The following NRG3 variants were observed in gnomAD, a reference collection of about 807,000 sequenced individuals.
The protein encoded by NRG3 is pro-neuregulin-3, membrane-bound isoform.
NRG3 carries 31 observed loss-of-function variants against 66.9 expected under a neutral mutation model. That is an observed-to-expected ratio of 0.46 (90% CI 0.35 to 0.63). The LOEUF (loss-of-function observed/expected upper bound fraction) is 0.63, where lower values mean the gene tolerates loss of function less well. Among genes scored for constraint, NRG3 ranks in the 20% least tolerant of loss-of-function variants. The pLI is 0.00. For missense variants in NRG3, 910 were observed against 878.9 expected (o/e 1.04, Z -0.45); for synonymous variants, 393 against 359.4 (o/e 1.09, Z -1.06).
At chr10:82,804,736 T>C (rs2061205375) in intron 3 of NRG3, among the ~76,000 whole-genome samples, 1 of 152,188 alleles carries the variant, frequency 6.6e-6, no homozygotes, top group Non-Finnish European at 1.5e-5. Context: ...CAGACACCAC[T>C]TTCTTGCCAA....
At chr10:82,897,994 A>T (rs1372697116) in intron 4 of NRG3, among the ~76,000 whole-genome samples, 2 of 152,238 alleles carry the variant, frequency 1.3e-5, no homozygotes, top group Non-Finnish European at 2.9e-5. Flanking sequence ...GTAGCCTTAC[A>T]GCCCAGCAAC....
chr10:82,164,373 T>A (rs933511255), intron 1 of NRG3, among the ~76,000 whole-genome samples: 6 of 152,188 alleles, frequency 3.9e-5, no homozygotes, highest in Non-Finnish European at 8.8e-5. Context: ...TTTCAAGTCC[T>A]CTCTTCTTGC....
At chr10:82,499,796 A>G (rs1843979949) in intron 2 of NRG3, among the ~76,000 whole-genome samples, 1 of 152,188 alleles carries the variant, frequency 6.6e-6, no homozygotes, top group Non-Finnish European at 1.5e-5. Context: ...ATACAGGGCA[A>G]ACTAGAGACT....
At chr10:82,903,349 C>T (rs781415167) in intron 4 of NRG3, among the ~76,000 whole-genome samples, 2 of 152,064 alleles carry the variant, frequency 1.3e-5, no homozygotes, top group Non-Finnish European at 2.9e-5. Flanking sequence ...AAAAAGTGAT[C>T]TCTCTCTCTT....
intron 1 of NRG3, among the ~76,000 whole-genome samples, chr10:82,162,952 G>GA (rs2071719999): frequency 6.6e-6 from 1 of 152,072 alleles, no homozygotes; most frequent in Non-Finnish European, 1.5e-5. Flanking sequence ...GCCCTGTTGG[G>GA]AACTAGTTGG....
intron 1 of NRG3, among the ~76,000 whole-genome samples, chr10:82,264,609 G>A (rs1275901960): frequency 6.6e-6 from 1 of 152,170 alleles, no homozygotes; most frequent in Non-Finnish European, 1.5e-5. Flanking sequence ...AAGAATGACT[G>A]AACTTTGAGG....
At chr10:82,485,913 T>G (rs1424766500) in intron 2 of NRG3, among the ~76,000 whole-genome samples, 1 of 152,040 alleles carries the variant, frequency 6.6e-6, no homozygotes, top group Non-Finnish European at 1.5e-5. Flanking sequence ...AAGGACTCAA[T>G]ATCTAAAAAT....
At chr10:82,334,131 C>A (rs2082269828) in intron 1 of NRG3, among the ~76,000 whole-genome samples, 1 of 113,382 alleles carries the variant, frequency 8.8e-6, no homozygotes. Flanking sequence ...GATGGCATGG[C>A]GTCTCAAAAA....
At chr10:82,810,046 A>G (rs2061429531) in intron 3 of NRG3, among the ~76,000 whole-genome samples, 1 of 151,696 alleles carries the variant, frequency 6.6e-6, no homozygotes, top group Non-Finnish European at 1.5e-5. Flanking sequence ...TAGGATAGGT[A>G]TTTTTTACAT....
At chr10:82,246,254 G>A (rs984020873) in intron 1 of NRG3, among the ~76,000 whole-genome samples, 2 of 152,104 alleles carry the variant, frequency 1.3e-5, no homozygotes, top group African/African-American at 4.8e-5. Context: ...TCTGAAGACA[G>A]TGATATTAGA....
intron 1 of NRG3, among the ~76,000 whole-genome samples, chr10:82,055,165 C>T (rs1053506134): frequency 6.6e-6 from 1 of 151,900 alleles, no homozygotes; most frequent in Non-Finnish European, 1.5e-5. Context: ...ATAGAGAGGT[C>T]ATTGGTGATC....
intron 1 of NRG3, among the ~76,000 whole-genome samples, chr10:81,923,049 T>C (rs1420990890): frequency 1.3e-5 from 2 of 152,230 alleles, no homozygotes; most frequent in Non-Finnish European, 2.9e-5. Context: ...CTAGTAATTT[T>C]GGTAATTTAC....
At chr10:82,088,743 T>C (rs1435843830) in intron 1 of NRG3, among the ~76,000 whole-genome samples, 1 of 152,116 alleles carries the variant, frequency 6.6e-6, no homozygotes, top group Non-Finnish European at 1.5e-5. Context: ...TAGGGAGCTG[T>C]GACTGGCTGT....
intron 1 of NRG3, among the ~76,000 whole-genome samples, chr10:82,113,741 A>T (rs2067530966): frequency 6.6e-6 from 1 of 152,138 alleles, no homozygotes; most frequent in African/African-American, 2.4e-5. Context: ...GTAAGATGTT[A>T]ATTTTAGGGG....
At chr10:82,559,656 A>G (rs2044897304) in intron 2 of NRG3, among the ~76,000 whole-genome samples, 1 of 152,236 alleles carries the variant, frequency 6.6e-6, no homozygotes, top group Non-Finnish European at 1.5e-5. Flanking sequence ...TCATATTTGT[A>G]TGGCAAAGTG....
intron 1 of NRG3, among the ~76,000 whole-genome samples, chr10:82,130,166 A>G (rs946488776): frequency 5.9e-4 from 89 of 150,730 alleles, no homozygotes; most frequent in Non-Finnish European, 1.5e-4. Context: ...TTCTCCATTC[A>G]TATTCTTTTA....
chr10:82,743,435 G>A (rs899427693), intron 3 of NRG3, among the ~76,000 whole-genome samples: 1 of 152,116 alleles, frequency 6.6e-6, no homozygotes, highest in Non-Finnish European at 1.5e-5. Context: ...AGCCCACTGG[G>A]TTTGTGTGCC....
chr10:82,162,410 G>T (rs945948951), intron 1 of NRG3, among the ~76,000 whole-genome samples: 1 of 152,100 alleles, frequency 6.6e-6, no homozygotes, highest in Non-Finnish European at 1.5e-5. Flanking sequence ...TCAGTACTAG[G>T]TGCCTTGCTC....
At chr10:82,967,167 A>G (rs1022815791) in intron 6 of NRG3, among the ~76,000 whole-genome samples, 1 of 148,842 alleles carries the variant, frequency 6.7e-6, no homozygotes, top group Admixed American at 6.7e-5. Flanking sequence ...ATTTTTAAAT[A>G]ATAGATATAT....
Sources: allele counts gnomAD v4.1 joint callset (sites outside exome capture counted in the v4.1 genomes callset), GRCh38; gene constraint gnomAD v4.1.1; transcripts MANE v1.5; gene names NCBI Gene and HGNC (gene_info 2026-07-23, HGNC 2026-07-21).